LMO3: variants seen among roughly 807,000 people sequenced by gnomAD.
LMO3 encodes the protein LIM domain only protein 3.
In LMO3, 2 loss-of-function variants were observed where a neutral mutation model predicts 15.8. The observed-to-expected ratio is 0.13, with a 90% CI of 0.05 to 0.40. The LOEUF is 0.40. Ranked by LOEUF, LMO3 falls within the 10% of genes least tolerant of loss-of-function variation. The pLI, the probability that LMO3 is intolerant of heterozygous loss-of-function variation, is 0.99. For missense variants in LMO3, 86 were observed against 182.2 expected, an observed-to-expected ratio of 0.47 and a Z score of 3.04; for synonymous variants, 62 against 63.8, an observed-to-expected ratio of 0.97 and a Z score of 0.13.
At chr12:16,607,408 G>A (rs1944033561), upstream of LMO3, 1 of 149,040 alleles carries the variant, frequency 6.7e-6, no homozygotes, top group East Asian at 2.0e-4. Context: ...GTCTTCACAG[G>A]CTTGTTTTAA....
intron 2 of LMO3, among the ~76,000 whole-genome samples, chr12:16,578,878 G>T (rs1336814879): frequency 2.0e-5 from 3 of 151,914 alleles, no homozygotes; most frequent in Non-Finnish European, 4.4e-5. Flanking sequence ...TTCACTAGAA[G>T]AATATATTCA....
chr12:16,577,015 T>G (rs951271614), intron 2 of LMO3, among the ~76,000 whole-genome samples: 4 of 152,208 alleles, frequency 2.6e-5, no homozygotes, highest in Non-Finnish European at 5.9e-5. Flanking sequence ...ATCTACTTGC[T>G]GAAACTTAGC....
intron 2 of LMO3, among the ~76,000 whole-genome samples, chr12:16,566,534 T>C (rs1942617015): frequency 6.6e-6 from 1 of 152,118 alleles, no homozygotes; most frequent in Non-Finnish European, 1.5e-5. Context: ...ATATGTACCA[T>C]TATAAGGTGC....
At position 16,604,661 on chromosome 12, in the gene LMO3, G is replaced by C. The variant is rs567994571; in HGVS notation, c.-9+1405C>G. On this transcript the variant is annotated intron_variant, in intron 1 of 3. Coordinates refer to ENST00000537304, the MANE Select transcript of LMO3 (RefSeq NM_018640.5). The surrounding 1 kb of genome is among the most constrained non-coding windows in gnomAD (Gnocchi z 5.3). ...GTGGTTGTGTCTTTGCAGCCACACA[G>C]GGATGGTTTGCAAAGAATGTAGCAG... 1.6e-6 allele frequency: 1 copy of C among 609,100 alleles called. No individual in the cohort carries two copies. The highest frequency in any genetic ancestry group is 1.8e-5 in the African/African-American group (1 of 54,108). The allele number at this position is 609,100 out of a possible 1,614,324, so 37.7% of individuals were successfully genotyped here.
Position 16,550,310 on chromosome 12 carries a change from A to T in LMO3, c.*912T>A, listed in dbSNP as rs563183249. ...AGAAGAAGTTTAATTTATCACTTAAAAATCATCTCATAATTGTGGTAACAG... is the reference window on the plus strand; with the variant it reads ...AGAAGAAGTTTAATTTATCACTTAATAATCATCTCATAATTGTGGTAACAG... On this transcript the variant is annotated 3_prime_UTR_variant, in exon 4 of 4. Transcript: ENST00000537304. The T allele has an allele frequency of 4.6e-5, 7 of 152,616 alleles. No homozygotes were observed. The South Asian group carries it at 1.4e-3, about 32-fold the overall frequency. The allele number at this position is 152,616 out of a possible 1,614,324, so 9.5% of individuals were successfully genotyped here.
At chr12:16,578,250 AT>A (rs1192148929) in intron 2 of LMO3, among the ~76,000 whole-genome samples, 1 of 152,230 alleles carries the variant, frequency 6.6e-6, no homozygotes, top group Non-Finnish European at 1.5e-5. Context: ...GTTTAGGGGA[AT>A]TCTAAGAGAA....
At chr12:16,600,371 T>A (rs1228300021) in intron 2 of LMO3, 6 of 231,782 alleles carry the variant, frequency 2.6e-5, no homozygotes, top group Non-Finnish European at 4.2e-5. Flanking sequence ...ACCAAATACA[T>A]CCTTGACATT....
rs1423593227 is a variant in LMO3 at position 16,559,986 on chromosome 12, G to A, written c.332+427C>T. 6.6e-6 allele frequency among the ~76,000 whole-genome samples: 1 copy of A among 150,962 alleles called. No individual in the cohort carries two copies. Among genetic ancestry groups the A allele is most frequent in the Non-Finnish European group, 1.5e-5 (1 of 67,772 alleles). ...AAAAAAGCAAAAACAAAAACATGAGGGATAAGGAATTTAAAATATAAAAAA... is the reference window on the plus strand; with the variant it reads ...AAAAAAGCAAAAACAAAAACATGAGAGATAAGGAATTTAAAATATAAAAAA... On this transcript the variant is annotated intron_variant, in intron 3 of 3. Coordinates refer to ENST00000537304, the MANE Select transcript of LMO3 (RefSeq NM_018640.5). The surrounding 1 kb of genome is among the most constrained non-coding windows in gnomAD (Gnocchi z 4.1).
rs1260297102 is a variant in LMO3, at chr12:16,576,050, T to G, written c.207-15512A>C. On this transcript the variant is annotated intron_variant, in intron 2 of 3. Transcript: ENST00000537304. This position sits in a 1 kb window ranked among gnomAD's most constrained non-coding sequence, Gnocchi z 4.1. ...CGCTGTGTTAAAAGGGGATCTGTCC[T>G]CTTTTGTCTCAGTAAGCTACTTCTA... is the stretch of plus-strand genomic sequence containing the variant. Among the ~76,000 whole-genome samples the G allele has an allele frequency of 6.6e-6, 1 of 152,170 alleles. No homozygotes were observed. The highest frequency in any genetic ancestry group is 6.5e-5 in the Admixed American group (1 of 15,278).
chr12:16,564,278 T>TGC (rs1248176134), intron 2 of LMO3, among the ~76,000 whole-genome samples: 171 of 152,320 alleles, frequency 1.1e-3, no homozygotes, highest in African/African-American at 3.9e-3. Context: ...GAGAAATATT[T>TGC]AATAACTTTT....
At chr12:16,580,166 A>G (rs945390635) in intron 2 of LMO3, among the ~76,000 whole-genome samples, 3 of 152,174 alleles carry the variant, frequency 2.0e-5, no homozygotes, top group African/African-American at 7.2e-5. Flanking sequence ...GGATCTCTCT[A>G]TGTTGCCCAG....
rs1158938813 is a variant in LMO3, at chr12:16,559,892, T to C, written c.332+521A>G. The stretch of plus-strand genomic sequence containing the variant: ...CAGGAGGATTGCTTGAGCACAGAAG[T>C]TGAGGCTGCATGAGCCATGTTAGTG... On this transcript the variant is annotated intron_variant, in intron 3 of 3. Coordinates refer to ENST00000537304, the MANE Select transcript of LMO3 (RefSeq NM_018640.5). This position sits in a 1 kb window ranked among gnomAD's most constrained non-coding sequence, Gnocchi z 4.1. Among the ~76,000 whole-genome samples, 2 of 151,916 alleles carry C rather than the reference T, an allele frequency of 1.3e-5. No individual in the cohort carries two copies. Among genetic ancestry groups the C allele is most frequent in the African/African-American group, 4.8e-5 (2 of 41,344 alleles).
In LMO3 at chr12:16,591,726, A is replaced by G. The variant is rs1377082564; in HGVS notation, c.206+8929T>C. On this transcript the variant is annotated intron_variant, in intron 2 of 3. Transcript: ENST00000537304. The surrounding 1 kb of genome is among the most constrained non-coding windows in gnomAD (Gnocchi z 4.1). ...GATATCTGTGATAAGAGATGGAACA[A>G]TACAAATAGCATGAAAGTTACAAGC... 2.6e-5 allele frequency among the ~76,000 whole-genome samples: 4 copies of G among 152,098 alleles called. No individual in the cohort carries two copies. Among genetic ancestry groups the G allele is most frequent in the African/African-American group, 9.7e-5 (4 of 41,442 alleles).
intron 2 of LMO3, among the ~76,000 whole-genome samples, chr12:16,590,810 C>G (rs755436731): frequency 1.3e-5 from 2 of 151,930 alleles, no homozygotes; most frequent in African/African-American, 2.4e-5. Context: ...ATCAAACATG[C>G]GACTATATCA....
intron 2 of LMO3, among the ~76,000 whole-genome samples, chr12:16,574,591 CT>C (rs768417391): frequency 4.8e-4 from 73 of 152,236 alleles, no homozygotes; most frequent in Non-Finnish European, 9.4e-4. Flanking sequence ...AACTTTCCCC[CT>C]ATTTGTACCA....
chr12:16,559,810 A>AAAT lies in LMO3; in HGVS notation c.332+600_332+602dup, dbSNP rs1942323513. Among the ~76,000 whole-genome samples the AAAT allele has an allele frequency of 1.3e-5, 2 of 151,812 alleles. No homozygotes were observed. The highest frequency in any genetic ancestry group is 1.3e-4 in the Admixed American group (2 of 15,234). On this transcript the variant is annotated intron_variant, in intron 3 of 3. Transcript: ENST00000537304. This position sits in a 1 kb window ranked among gnomAD's most constrained non-coding sequence, Gnocchi z 4.1. ...CTCTATAAAAAATGAAAAAAAAAAA[A>AAAT]AATTAGCCAGGCATGGGAGTGCACA... is the stretch of plus-strand genomic sequence containing the variant.
At chr12:16,574,655 T>C (rs950051366) in intron 2 of LMO3, among the ~76,000 whole-genome samples, 1 of 152,240 alleles carries the variant, frequency 6.6e-6, no homozygotes, top group African/African-American at 2.4e-5. Flanking sequence ...AGCTAATTCC[T>C]ATCTGTGCTC....
intron 3 of LMO3, among the ~76,000 whole-genome samples, chr12:16,554,925 G>C (rs538829521): frequency 6.6e-6 from 1 of 152,148 alleles, no homozygotes; most frequent in African/African-American, 2.4e-5. Flanking sequence ...GCCTCCCAAA[G>C]TGCTGGGATT....
intron 2 of LMO3, among the ~76,000 whole-genome samples, chr12:16,590,044 A>T (rs1181184818): frequency 3.3e-5 from 5 of 152,120 alleles, no homozygotes; most frequent in African/African-American, 1.2e-4. Flanking sequence ...TTCTTAGCCA[A>T]GTATGCATGA....
Sources: allele counts gnomAD v4.1 joint callset (sites outside exome capture counted in the v4.1 genomes callset), GRCh38; gene constraint gnomAD v4.1.1; non-coding constraint Gnocchi (gnomAD v3.1); transcripts MANE v1.5; gene names NCBI Gene and HGNC (gene_info 2026-07-23, HGNC 2026-07-21).